The following ACSM3 variants were observed in gnomAD, a reference collection of about 807,000 sequenced individuals.
The protein encoded by ACSM3 is acyl-coenzyme A synthetase ACSM3, mitochondrial.
ACSM3 carries 61 observed loss-of-function variants against 74.1 expected under a neutral mutation model. The ratio of observed to expected loss-of-function variants is 0.82; its 90% CI spans 0.67 to 1.02. The LOEUF (loss-of-function observed/expected upper bound fraction) is 1.02. ACSM3 is among the 50% of genes least tolerant of loss of function. The pLI is 0.00. For missense variants in ACSM3, 660 were observed against 697.0 expected (o/e 0.95, Z 0.60); for synonymous variants, 213 against 241.5 (o/e 0.88, Z 1.09).
At chr16:20,706,137 A>C (rs2079726941) in intron 1 of ACSM3, among the ~76,000 whole-genome samples, 1 of 152,036 alleles carries the variant, frequency 6.6e-6, no homozygotes, top group African/African-American at 2.4e-5. Context: ...AGAAAAAGAC[A>C]GAAAAAATAT....
At chr16:20,691,032 T>A in intron 1 of ACSM3, 2 of 1,613,698 alleles carry the variant, frequency 1.2e-6, no homozygotes, top group Non-Finnish European at 1.7e-6. Flanking sequence ...AGTACATAAC[T>A]TGCAAAGTTA....
In ACSM3 at chr16:20,787,509, C is replaced by T. The variant is rs190721537; in HGVS notation, c.1224+1351C>T. 5.4e-4 allele frequency among the ~76,000 whole-genome samples: 82 copies of T among 152,194 alleles called. No homozygotes were observed. In the East Asian group the frequency reaches 0.014, roughly 27 times the overall value. On this transcript the variant is annotated intron_variant, in intron 9 of 13. Transcript: ENST00000289416. Reference sequence around the variant, plus strand: ...TGTTAAAAATACTAATTCTCAGGCCCCTGGAGAGACCAATTCAATAGATTT... The same window carrying T: ...TGTTAAAAATACTAATTCTCAGGCCTCTGGAGAGACCAATTCAATAGATTT...
At chr16:20,717,956 G>GGAAGAGGAAGAAGAAGAAGAAGAA (rs1190590436) in intron 1 of ACSM3, among the ~76,000 whole-genome samples, 10 of 74,446 alleles carry the variant, frequency 1.3e-4, no homozygotes, top group Admixed American at 5.1e-4. Flanking sequence ...AAGAGGAAGA[G>GGAAGAGGAAGAAGAAGAAGAAGAA]GAAGAAGAAG....
At chr16:20,742,813 A>ATATATTTTT (rs61582869) in intron 1 of ACSM3, among the ~76,000 whole-genome samples, 262 of 66,782 alleles carry the variant, frequency 3.9e-3, no homozygotes, top group South Asian at 6.3e-3. Flanking sequence ...ATATATATAT[A>ATATATTTTT]TTTTTTTTTT....
At chr16:20,683,857 C>T (rs1199774701) in intron 1 of ACSM3, among the ~76,000 whole-genome samples, 1 of 152,080 alleles carries the variant, frequency 6.6e-6, no homozygotes, top group Non-Finnish European at 1.5e-5. Flanking sequence ...CCTAAGCCAC[C>T]ACCCAGGCCA....
intron 1 of ACSM3, among the ~76,000 whole-genome samples, chr16:20,726,507 T>C (rs768205583): frequency 6.6e-6 from 1 of 152,236 alleles, no homozygotes; most frequent in Non-Finnish European, 1.5e-5. Flanking sequence ...CACATTTCAA[T>C]AGTAATTCAG....
At chr16:20,740,937 C>T (rs908078413) in intron 1 of ACSM3, among the ~76,000 whole-genome samples, 2 of 152,202 alleles carry the variant, frequency 1.3e-5, no homozygotes, top group African/African-American at 4.8e-5. Context: ...GAAAGAGCTT[C>T]AGCACACCGC....
chr16:20,739,692 A>G (rs2079900898), intron 1 of ACSM3, among the ~76,000 whole-genome samples: 1 of 151,886 alleles, frequency 6.6e-6, no homozygotes, highest in African/African-American at 2.4e-5. Context: ...GTGGTGGCAG[A>G]CGCCTGTAAT....
At chr16:20,795,111 T>C (rs1425645789) in intron 12 of ACSM3, among the ~76,000 whole-genome samples, 2 of 152,218 alleles carry the variant, frequency 1.3e-5, no homozygotes, top group African/African-American at 4.8e-5. Flanking sequence ...AACAAAATTA[T>C]ATCCATAGAC....
intron 2 of ACSM3, among the ~76,000 whole-genome samples, chr16:20,751,367 C>G (rs947648473): frequency 2.8e-4 from 42 of 152,158 alleles, no homozygotes; most frequent in African/African-American, 9.6e-4. Context: ...CCCTGTAGAA[C>G]TATTTATAAA....
chr16:20,700,524 T>C (rs1401417891), intron 1 of ACSM3, among the ~76,000 whole-genome samples: 1 of 151,886 alleles, frequency 6.6e-6, no homozygotes, highest in African/African-American at 2.4e-5. Context: ...CCACAGCAAG[T>C]GCAAAGCCTG....
chr16:20,788,635 A>G (rs1405464673), intron 9 of ACSM3, among the ~76,000 whole-genome samples: 1 of 152,154 alleles, frequency 6.6e-6, no homozygotes, highest in Non-Finnish European at 1.5e-5. Flanking sequence ...TCAAAGCCCA[A>G]CCTTTATAAT....
chr16:20,700,446 A>C (rs2079710027), intron 1 of ACSM3, among the ~76,000 whole-genome samples: 1 of 152,060 alleles, frequency 6.6e-6, no homozygotes, highest in African/African-American at 2.4e-5. Context: ...TTCTCCCTTA[A>C]GAGGTGACAT....
At chr16:20,740,788 A>G (rs770168832) in intron 1 of ACSM3, among the ~76,000 whole-genome samples, 9 of 152,236 alleles carry the variant, frequency 5.9e-5, no homozygotes, top group Non-Finnish European at 8.8e-5. Flanking sequence ...GATATTGGTA[A>G]AAGTTTTTAC....
intron 1 of ACSM3, chr16:20,741,622 C>T: frequency 6.4e-7 from 1 of 1,574,344 alleles, no homozygotes; most frequent in Non-Finnish European, 8.6e-7. Context: ...AGCCCGGGCT[C>T]TAGCTGACGG....
chr16:20,784,942 C>T, intron 7 of ACSM3, 42 bp from the exon 8 acceptor site: 1 of 1,579,978 alleles, frequency 6.3e-7, no homozygotes, highest in Non-Finnish European at 8.6e-7. Context: ...CACTTCTCTC[C>T]ATTTTTCCTC....
chr16:20,674,823 G>A lies in ACSM3; in HGVS notation c.-190+1G>A, dbSNP rs1290234581. ...TGACACCAGCACTTCAGGAACCGCG[G>A]TAAGGAGAAAGGGCCCAAGGTAGGA... On this transcript the variant is annotated splice_donor_variant, in intron 1 of 3. Coordinates refer to the ACSM3 transcript ENST00000561584. LOFTEE classifies it low-confidence loss of function (5UTR_SPLICE). The A allele has an allele frequency of 6.6e-6, 1 of 152,440 alleles. No individual in the cohort carries two copies. The highest frequency in any genetic ancestry group is 6.5e-5 in the Admixed American group (1 of 15,288). The allele number at this position is 152,440 out of a possible 1,614,324, so 9.4% of individuals were successfully genotyped here. A position where few individuals can be genotyped will look rare whatever the true frequency, so the allele number is the denominator to read the frequency against.
In ACSM3 at chr16:20,796,995, T is replaced by G. The variant is rs1344068081; in HGVS notation, c.*23T>G. On this transcript the variant is annotated 3_prime_UTR_variant, in exon 14 of 14. Transcript: ENST00000289416. Reference sequence around the variant, plus strand: ...TAAAGTTGTTTCATTAATTACCATATCTATAAAACAAACATAGTATCTGTC... The same window carrying G: ...TAAAGTTGTTTCATTAATTACCATAGCTATAAAACAAACATAGTATCTGTC... 6.2e-7 allele frequency: 1 copy of G among 1,606,742 alleles called. No homozygotes were observed. The highest frequency in any genetic ancestry group is 1.7e-4 in the Middle Eastern group (1 of 5,908).
chr16:20,741,453 T>C lies in ACSM3; in HGVS notation c.-189-8457T>C, dbSNP rs1466322895. Reference sequence around the variant, plus strand: ...ATACCAGCAGCCATCCCTCCACCCTTCCCTCCTCCCGCAAGGCCTGGCAGC... The same window carrying C: ...ATACCAGCAGCCATCCCTCCACCCTCCCCTCCTCCCGCAAGGCCTGGCAGC... On this transcript the variant is annotated intron_variant, in intron 1 of 3. Transcript: ENST00000561584. 4 of 1,473,574 alleles carry C rather than the reference T, an allele frequency of 2.7e-6. No individual in the cohort carries two copies. In the East Asian group the frequency reaches 7.5e-5, roughly 27 times the overall value. The allele number at this position is 1,473,574 out of a possible 1,614,324, so 91.3% of individuals were successfully genotyped here. A position where few individuals can be genotyped will look rare whatever the true frequency, so the allele number is the denominator to read the frequency against.
Sources: allele counts gnomAD v4.1 joint callset (sites outside exome capture counted in the v4.1 genomes callset), GRCh38; gene constraint gnomAD v4.1.1; transcripts MANE v1.5; gene names NCBI Gene and HGNC (gene_info 2026-07-23, HGNC 2026-07-21).